Variants in SCRN3 observed in about 807,000 individuals in gnomAD.
SCRN3 encodes the protein secernin-3.
A neutral mutation model predicts 43.1 loss-of-function variants in SCRN3; 39 were observed. That is an observed-to-expected ratio of 0.91 (90% CI 0.70 to 1.18). The LOEUF is 1.18. Ranked by LOEUF, SCRN3 falls within the 50% of genes most tolerant of loss-of-function variation. SCRN3 has a pLI of 0.00. For synonymous variants in SCRN3, 147 were observed against 163.1 expected, an observed-to-expected ratio of 0.90 and a Z score of 0.75; for missense variants, 484 against 498.0, an observed-to-expected ratio of 0.97 and a Z score of 0.27.
chr2:174,427,731 T>G lies in SCRN3; in HGVS notation c.1111T>G (p.Leu371Val). Reference sequence around the variant, plus strand: ...TGTTTAGGAAAAAGCCAAAATAATGTTGGACAACATGAGGAAACTGGAGAA... The same window carrying G: ...TGTTTAGGAAAAAGCCAAAATAATGGTGGACAACATGAGGAAACTGGAGAA... Reference protein sequence around the residue: ...NNNEEKAKIMLDNMRKLEKEL... With the variant: ...NNNEEKAKIMVDNMRKLEKEL... Residue 371 changes from leucine to valine, a missense_variant, in exon 8 of 8, where the codon TTG becomes GTG. Coordinates refer to ENST00000272732, the MANE Select transcript of SCRN3 (RefSeq NM_024583.5). 1 of 1,602,316 alleles carries G rather than the reference T, an allele frequency of 6.2e-7. No homozygotes were observed. The highest frequency in any genetic ancestry group is 8.5e-7 in the Non-Finnish European group (1 of 1,174,316).
At chr2:174,395,890 A>T in intron 1 of SCRN3, 73 bp downstream of exon 1, 1 of 1,437,530 alleles carries the variant, frequency 7.0e-7, no homozygotes. Flanking sequence ...GTGGCGCGGC[A>T]CTGCTTGACC....
intron 4 of SCRN3, among the ~76,000 whole-genome samples, chr2:174,401,859 C>T (rs1432304249): frequency 1.3e-5 from 2 of 152,086 alleles, no homozygotes; most frequent in South Asian, 2.1e-4. Flanking sequence ...ATGTCCTTCT[C>T]GGGTATTTAA....
chr2:174,404,703 G>A (rs866262773), intron 5 of SCRN3, among the ~76,000 whole-genome samples: 6 of 123,514 alleles, frequency 4.9e-5, no homozygotes, highest in Admixed American at 1.7e-4. Context: ...GAGAATATGC[G>A]GTGTTTGGTT....
At chr2:174,425,933 A>G (rs974750909) in intron 7 of SCRN3, among the ~76,000 whole-genome samples, 3 of 152,124 alleles carry the variant, frequency 2.0e-5, no homozygotes, top group Non-Finnish European at 2.9e-5. Context: ...ATTGGTCATG[A>G]GTATTTTATT....
intron 5 of SCRN3, among the ~76,000 whole-genome samples, chr2:174,406,468 T>C (rs904020637): frequency 2.1e-5 from 3 of 141,304 alleles, no homozygotes; most frequent in African/African-American, 7.4e-5. Flanking sequence ...CCTGCCTAAT[T>C]GCCCTGGCCA....
In SCRN3 at chr2:174,400,993, T is replaced by G; in HGVS notation, c.345T>G (p.Leu115=). 6.2e-7 allele frequency: 1 copy of G among 1,606,348 alleles called. No homozygotes were observed. Among genetic ancestry groups the G allele is most frequent in the Non-Finnish European group, 8.5e-7 (1 of 1,175,740 alleles). The change falls in exon 4 of 8, where the codon CTT becomes CTG. Residue 115 remains leucine (L), a synonymous_variant. Transcript: ENST00000272732. ...EALLGMDLVR[L]GLERADTAEK... is the part of the protein sequence containing the mutation. ...GAACTTTATATTTTTGTTTTAGACTTGGCCTTGAAAGAGCTGATACAGCTG... is the reference window on the plus strand; with the variant it reads ...GAACTTTATATTTTTGTTTTAGACTGGGCCTTGAAAGAGCTGATACAGCTG...
At chr2:174,410,327 TGC>T in intron 5 of SCRN3, 1 of 150,838 alleles carries the variant, frequency 6.6e-6, no homozygotes, top group Non-Finnish European at 1.5e-5. Flanking sequence ...TCGCGCACGG[TGC>T]GCGCTCCCAC....
chr2:174,426,686 C>T (rs931142308), intron 7 of SCRN3, among the ~76,000 whole-genome samples: 6 of 151,892 alleles, frequency 4.0e-5, no homozygotes, highest in South Asian at 4.2e-4. Context: ...GCAGGGGAAT[C>T]GCTTGAACCC....
At chr2:174,398,016 G>A (rs1034727871) in intron 1 of SCRN3, among the ~76,000 whole-genome samples, 2 of 152,050 alleles carry the variant, frequency 1.3e-5, no homozygotes, top group Admixed American at 6.6e-5. Context: ...TAATCCCAGG[G>A]CTTTGGGAGG....
At chr2:174,397,221 T>C in intron 1 of SCRN3, 1 of 967,886 alleles carries the variant, frequency 1.0e-6, no homozygotes, top group Non-Finnish European at 1.2e-6. Context: ...ACATTTATTA[T>C]ATTTAAATTT....
intron 4 of SCRN3, among the ~76,000 whole-genome samples, chr2:174,402,122 T>C (rs1028425267): frequency 6.6e-6 from 1 of 152,246 alleles, no homozygotes; most frequent in African/African-American, 2.4e-5. Context: ...TATATGTTTA[T>C]TAATATATAA....
At chr2:174,425,148 A>G (rs924621290) in intron 7 of SCRN3, among the ~76,000 whole-genome samples, 1 of 152,204 alleles carries the variant, frequency 6.6e-6, no homozygotes, top group African/African-American at 2.4e-5. Flanking sequence ...CCAGAGACTT[A>G]AAATAATAAT....
intron 5 of SCRN3, among the ~76,000 whole-genome samples, chr2:174,406,837 G>A (rs1685712265): frequency 7.5e-6 from 1 of 134,010 alleles, no homozygotes; most frequent in African/African-American, 2.6e-5. Context: ...TAAGCTTTTT[G>A]ATGTGCTGCT....
At chr2:174,427,676 T>A in intron 7 of SCRN3, 37 bp from the exon 8 acceptor site, 2 of 1,339,242 alleles carry the variant, frequency 1.5e-6, no homozygotes, top group Non-Finnish European at 2.1e-6. Flanking sequence ...TATGTGTATA[T>A]GTATATGTGT....
intron 5 of SCRN3, among the ~76,000 whole-genome samples, chr2:174,415,889 C>T (rs1006772578): frequency 7.9e-5 from 12 of 152,154 alleles, no homozygotes; most frequent in Admixed American, 1.3e-4. Flanking sequence ...AAACCATCTG[C>T]CCACCTTGGC....
At chr2:174,400,151 A>C in intron 3 of SCRN3, 48 bp downstream of exon 3, 9 of 1,322,376 alleles carry the variant, frequency 6.8e-6, no homozygotes, top group Non-Finnish European at 9.2e-6. Flanking sequence ...TAAATTTATA[A>C]TTTTTGTGTA....
At chr2:174,425,994 G>A (rs1490192538) in intron 7 of SCRN3, among the ~76,000 whole-genome samples, 1 of 151,788 alleles carries the variant, frequency 6.6e-6, no homozygotes, top group African/African-American at 2.4e-5. Context: ...ATTGATTTTG[G>A]GTTATTTTTG....
intron 5 of SCRN3, among the ~76,000 whole-genome samples, chr2:174,410,724 T>C (rs1053666545): frequency 1.3e-5 from 2 of 152,224 alleles, no homozygotes; most frequent in Admixed American, 6.5e-5. Context: ...AGTTATTTTC[T>C]TGTATATAGA....
Position 174,400,107 on chromosome 2 carries a change from AT to A in SCRN3, c.341+10del. On this transcript the variant is annotated splice_donor_5th_base_variant and intron_variant, in intron 3 of 7. Coordinates refer to ENST00000272732, the MANE Select transcript of SCRN3 (RefSeq NM_024583.5). ...TATTAGGAATGGACCTTGTCAGGTT[AT>A]TTTTTGTTACATTTTATACTACAGA... 6.5e-7 allele frequency: 1 copy of A among 1,546,678 alleles called. No homozygotes were observed. Among genetic ancestry groups the A allele is most frequent in the Non-Finnish European group, 8.7e-7 (1 of 1,152,570 alleles).
Sources: allele counts gnomAD v4.1 joint callset (sites outside exome capture counted in the v4.1 genomes callset), GRCh38; gene constraint gnomAD v4.1.1; transcripts MANE v1.5; gene names NCBI Gene and HGNC (gene_info 2026-07-23, HGNC 2026-07-21).